PCDHA8: variants seen among roughly 807,000 people sequenced by gnomAD.
The protein encoded by PCDHA8 is protocadherin alpha 8, also known as protocadherin alpha-8.
In PCDHA8, 53 loss-of-function variants were observed where a neutral mutation model predicts 61.8. That is an observed-to-expected ratio of 0.86 (90% CI 0.69 to 1.08). The LOEUF is 1.08. PCDHA8 is among the 50% of genes least tolerant of loss of function. The probability of loss-of-function intolerance (pLI) is 0.00; values close to 1 mark genes in which losing one functional copy is unlikely to be tolerated. For missense variants in PCDHA8, 1,293 were observed against 1,245.0 expected, an observed-to-expected ratio of 1.04 and a Z score of -0.58; for synonymous variants, 618 against 556.6, an observed-to-expected ratio of 1.11 and a Z score of -1.55.
intron 1 of PCDHA8, among the ~76,000 whole-genome samples, chr5:140,903,809 G>A (rs1004701576): frequency 2.0e-5 from 3 of 152,080 alleles, no homozygotes; most frequent in African/African-American, 7.2e-5. Flanking sequence ...GACAAGTATA[G>A]TTCTCACATG....
chr5:140,850,585 A>T lies in PCDHA8; in HGVS notation c.2394+6870A>T. 6.3e-6 allele frequency: 10 copies of T among 1,598,426 alleles called. 3 individuals carry two copies. Among genetic ancestry groups the T allele is most frequent in the African/African-American group, 1.3e-5 (1 of 74,476 alleles). On this transcript the variant is annotated intron_variant, in intron 1 of 3. Transcript: ENST00000531613. ...CCCGAGGTGACGCTGGTGGATGTCA[A>T]CGTGTACCTGATCATCGCCATCTGC... is the stretch of plus-strand genomic sequence containing the variant.
chr5:140,883,905 G>C (rs781818160), intron 1 of PCDHA8: 1 of 1,613,458 alleles, frequency 6.2e-7, no homozygotes, highest in South Asian at 1.1e-5. Flanking sequence ...CCGCCTCTGG[G>C]CAGCAACGTG....
chr5:140,972,391 C>T (rs1554234093), intron 1 of PCDHA8, among the ~76,000 whole-genome samples: 3 of 151,490 alleles, frequency 2.0e-5, no homozygotes, highest in African/African-American at 7.3e-5. Flanking sequence ...TGTTTATTTG[C>T]TTCACTATTG....
chr5:140,950,662 C>T (rs1347125277), intron 1 of PCDHA8, among the ~76,000 whole-genome samples: 1 of 152,030 alleles, frequency 6.6e-6, no homozygotes, highest in East Asian at 1.9e-4. Flanking sequence ...CTGAGTTTAT[C>T]AAACATGTAC....
intron 1 of PCDHA8, chr5:140,926,711 C>T: frequency 1.1e-6 from 1 of 925,094 alleles, no homozygotes; most frequent in Non-Finnish European, 1.5e-6. Context: ...AGCTGGCCAG[C>T]CCCGGCAATG....
chr5:141,010,398 G>C lies in PCDHA8; in HGVS notation c.*461G>C. The C allele has an allele frequency of 7.6e-7, 1 of 1,323,994 alleles. No individual in the cohort carries two copies. Among genetic ancestry groups the C allele is most frequent in the South Asian group, 1.5e-5 (1 of 66,476 alleles). 82.0% of individuals were successfully genotyped at this position (1,323,994 alleles called of 1,614,324 possible). A position where few individuals can be genotyped will look rare whatever the true frequency, so the allele number is the denominator to read the frequency against. ...GCCAGATATTGGCTGAGACGAGCCA[G>C]CTTAGACTAATTGGTACAAGGAAGG... On this transcript the variant is annotated 3_prime_UTR_variant, in exon 4 of 4. Transcript: ENST00000531613.
intron 1 of PCDHA8, chr5:140,869,704 G>C: frequency 6.2e-7 from 1 of 1,613,400 alleles, no homozygotes; most frequent in Non-Finnish European, 8.5e-7. Flanking sequence ...GAAGTCTCTG[G>C]ATAGAGAGAA....
chr5:140,860,911 G>A (rs1302618157), intron 1 of PCDHA8: 1 of 152,150 alleles, frequency 6.6e-6, no homozygotes, highest in Non-Finnish European at 1.5e-5. Context: ...CTAATTTTTT[G>A]TATTTTTAGT....
intron 1 of PCDHA8, among the ~76,000 whole-genome samples, chr5:140,922,977 G>C (rs935363543): frequency 3.9e-5 from 6 of 152,204 alleles, no homozygotes; most frequent in Non-Finnish European, 5.9e-5. Context: ...GCATATCTCA[G>C]ACAATAGGCA....
chr5:140,955,386 G>T (rs942993673), intron 1 of PCDHA8, among the ~76,000 whole-genome samples: 4 of 152,080 alleles, frequency 2.6e-5, no homozygotes, highest in African/African-American at 9.7e-5. Flanking sequence ...AATCATGGGG[G>T]CAATTATCCC....
chr5:140,897,671 C>T (rs1329195952), intron 1 of PCDHA8, among the ~76,000 whole-genome samples: 1 of 152,066 alleles, frequency 6.6e-6, no homozygotes, highest in Non-Finnish European at 1.5e-5. Flanking sequence ...GTCTTTATAG[C>T]AGCATGATTT....
At chr5:140,857,153 G>A in intron 1 of PCDHA8, 1 of 1,598,322 alleles carries the variant, frequency 6.3e-7, no homozygotes, top group East Asian at 2.2e-5. Context: ...CACCGTCATT[G>A]CCCTAATCAG....
intron 1 of PCDHA8, chr5:140,870,682 C>G: frequency 6.2e-7 from 1 of 1,612,762 alleles, no homozygotes; most frequent in South Asian, 1.1e-5. Flanking sequence ...CCACGAGGAG[C>G]TGGAGCTGCT....
intron 1 of PCDHA8, among the ~76,000 whole-genome samples, chr5:140,846,468 G>A (rs1461783374): frequency 7.0e-6 from 1 of 142,284 alleles, no homozygotes; most frequent in East Asian, 2.1e-4. Flanking sequence ...TCTGCCTCCC[G>A]GGTTCAAATG....
chr5:141,009,701 C>G lies in PCDHA8; in HGVS notation c.2617C>G (p.Pro873Ala). The G allele has an allele frequency of 6.2e-7, 1 of 1,614,036 alleles. No homozygotes were observed. Among genetic ancestry groups the G allele is most frequent in the South Asian group, 1.1e-5 (1 of 91,056 alleles). The change falls in exon 4 of 4, where the codon CCA (proline) becomes GCA (alanine). Residue 873 changes from proline to alanine, a missense_variant. Coordinates refer to ENST00000531613, the MANE Select transcript of PCDHA8 (RefSeq NM_018911.3). ...NSNSWTFKYG[P>A]GNPKQSGPGE... ...CAACAGCTGGACCTTTAAATACGGA[C>G]CAGGCAACCCCAAACAATCCGGTCC...
At position 140,990,371 on chromosome 5, in the gene PCDHA8, A is replaced by G. The variant is rs570757505; in HGVS notation, c.2542+7808A>G. Reference sequence around the variant, plus strand: ...CCTGTACAGAAAATCTAATAAAGCAAATTTGTTGGTGATGTTCCAAGAAGG... The same window carrying G: ...CCTGTACAGAAAATCTAATAAAGCAGATTTGTTGGTGATGTTCCAAGAAGG... On this transcript the variant is annotated intron_variant, in intron 3 of 3. Coordinates refer to ENST00000531613, the MANE Select transcript of PCDHA8 (RefSeq NM_018911.3). 7.2e-5 allele frequency among the ~76,000 whole-genome samples: 11 copies of G among 152,154 alleles called. No homozygotes were observed. The East Asian group carries it at 1.9e-3, about 27-fold the overall frequency.
At chr5:140,909,101 G>C (rs1242179195) in intron 1 of PCDHA8, among the ~76,000 whole-genome samples, 1 of 152,122 alleles carries the variant, frequency 6.6e-6, no homozygotes, top group Non-Finnish European at 1.5e-5. Flanking sequence ...CACTCACTGG[G>C]TCCAATCAGC....
At chr5:140,846,369 C>CTTTTTTTTTTTTTTTTTT (rs797033964) in intron 1 of PCDHA8, among the ~76,000 whole-genome samples, 2 of 102,192 alleles carry the variant, frequency 2.0e-5, no homozygotes, top group South Asian at 3.3e-4. Flanking sequence ...TCTTTTCTTT[C>CTTTTTTTTTTTTTTTTTT]TTTCTTTTTT....
intron 1 of PCDHA8, among the ~76,000 whole-genome samples, chr5:140,976,886 AC>A (rs2096735847): frequency 6.6e-6 from 1 of 152,232 alleles, no homozygotes; most frequent in African/African-American, 2.4e-5. Flanking sequence ...GAATTAGGAT[AC>A]ATGCAACAGT....
Sources: allele counts gnomAD v4.1 joint callset (sites outside exome capture counted in the v4.1 genomes callset), GRCh38; gene constraint gnomAD v4.1.1; transcripts MANE v1.5; gene names NCBI Gene and HGNC (gene_info 2026-07-23, HGNC 2026-07-21).